The following HSD17B12 variants were observed in gnomAD, a reference collection of about 807,000 sequenced individuals.
HSD17B12 encodes very-long-chain 3-oxoacyl-CoA reductase.
HSD17B12 carries 32 observed loss-of-function variants against 39.3 expected under a neutral mutation model. The ratio of observed to expected loss-of-function variants is 0.81; its 90% CI spans 0.61 to 1.09. HSD17B12 has a LOEUF of 1.09. Ranked by LOEUF, HSD17B12 falls within the 50% of genes least tolerant of loss-of-function variation. The probability of loss-of-function intolerance (pLI) is 0.00; values close to 1 mark genes in which losing one functional copy is unlikely to be tolerated. For synonymous variants in HSD17B12, 150 were observed against 146.7 expected, an observed-to-expected ratio of 1.02 and a Z score of -0.16; for missense variants, 342 against 382.9, an observed-to-expected ratio of 0.89 and a Z score of 0.89.
At chr11:43,738,437 G>A (rs904501942) in intron 1 of HSD17B12, among the ~76,000 whole-genome samples, 3 of 151,806 alleles carry the variant, frequency 2.0e-5, no homozygotes, top group Non-Finnish European at 4.4e-5. Context: ...ACCTTTCAAG[G>A]ACAGCCTCAG....
upstream of HSD17B12, among the ~76,000 whole-genome samples, chr11:43,680,004 A>G (rs1010276334): frequency 6.6e-6 from 1 of 151,040 alleles, no homozygotes; most frequent in Non-Finnish European, 1.5e-5. Flanking sequence ...TATATCATAT[A>G]TGTAAAATAT....
chr11:43,651,157 G>T, the HSD17B12 span, among the ~76,000 whole-genome samples: 1 of 152,212 alleles, frequency 6.6e-6, no homozygotes, highest in Non-Finnish European at 1.5e-5. Context: ...TGTAAAACAC[G>T]TTGGAATGAA....
intron 1 of HSD17B12, among the ~76,000 whole-genome samples, chr11:43,725,216 T>C (rs1005237574): frequency 3.9e-5 from 6 of 152,248 alleles, no homozygotes; most frequent in East Asian, 1.9e-4. Context: ...CCTAGTTTTG[T>C]TACCTTGAGC....
chr11:43,812,331 C>T (rs1951080933), intron 4 of HSD17B12, among the ~76,000 whole-genome samples: 1 of 152,150 alleles, frequency 6.6e-6, no homozygotes, highest in Non-Finnish European at 1.5e-5. Context: ...ATTTACATTC[C>T]CACCAACAGT....
At chr11:43,717,807 T>C (rs1000307048) in intron 1 of HSD17B12, among the ~76,000 whole-genome samples, 22 of 143,984 alleles carry the variant, frequency 1.5e-4, no homozygotes, top group East Asian at 1.9e-4. Context: ...TCTTCTTCTT[T>C]TTTTTTTTTT....
the HSD17B12 span, chr11:43,579,238 G>C: frequency 6.6e-6 from 1 of 152,250 alleles, no homozygotes. Context: ...TCGCAGTGGC[G>C]CGCCTGCTCG....
Position 43,854,761 on chromosome 11 carries a change from AG to A in HSD17B12, c.732del (p.Lys244AsnfsTer13). 2 of 1,614,186 alleles carry A rather than the reference AG, an allele frequency of 1.2e-6. No individual in the cohort carries two copies. The highest frequency in any genetic ancestry group is 1.7e-6 in the Non-Finnish European group (2 of 1,180,036). ...FVATKLAKIR[K>X]PTLDKPSPET... ...GCTACAAAACTGGCTAAAATCCGGA[AG>A]CCAACTTTGGATAAGCCCTCTCCGG... On this transcript the variant is annotated frameshift_variant, in exon 10 of 11. Transcript: ENST00000278353. LOFTEE classifies it high-confidence loss of function.
chr11:43,734,572 C>G (rs757342791), intron 1 of HSD17B12: 92 of 497,796 alleles, frequency 1.8e-4, no homozygotes, highest in Non-Finnish European at 3.0e-4. Context: ...CAGTGAGGGC[C>G]CACCCTGCCT....
chr11:43,819,153 A>G (rs978295148), intron 6 of HSD17B12, among the ~76,000 whole-genome samples: 1 of 152,162 alleles, frequency 6.6e-6, no homozygotes, highest in Non-Finnish European at 1.5e-5. Flanking sequence ...TCTTCTGATA[A>G]TTTTAACTCC....
chr11:43,807,798 C>T (rs929995386), intron 4 of HSD17B12, among the ~76,000 whole-genome samples: 9 of 152,086 alleles, frequency 5.9e-5, no homozygotes, highest in Non-Finnish European at 5.9e-5. Flanking sequence ...TGATGAGGGT[C>T]CTCATCGGAG....
At chr11:43,848,430 C>A (rs10838186) in intron 9 of HSD17B12, 11 of 151,906 alleles carry the variant, frequency 7.2e-5, no homozygotes, top group African/African-American at 2.7e-4. Context: ...GTTACCTCAA[C>A]AGTCAGATAT....
the HSD17B12 span, among the ~76,000 whole-genome samples, chr11:43,610,689 T>G: frequency 6.6e-6 from 1 of 152,162 alleles, no homozygotes; most frequent in Non-Finnish European, 1.5e-5. Context: ...ACAAGATACT[T>G]TGCAGGGAAC....
chr11:43,751,003 T>A (rs765846591), intron 2 of HSD17B12, 46 bp downstream of exon 2: 33 of 1,211,014 alleles, frequency 2.7e-5, no homozygotes, highest in Non-Finnish European at 3.6e-6. Context: ...AAAATAAGAA[T>A]AAATATGGGA....
At chr11:43,609,541 T>C in the HSD17B12 span, among the ~76,000 whole-genome samples, 5 of 151,828 alleles carry the variant, frequency 3.3e-5, no homozygotes, top group East Asian at 9.7e-4. Flanking sequence ...AATTTTTTAA[T>C]TTGTAGAGAT....
At chr11:43,844,841 C>T (rs1200989953) in intron 9 of HSD17B12, among the ~76,000 whole-genome samples, 1 of 152,192 alleles carries the variant, frequency 6.6e-6, no homozygotes, top group East Asian at 1.9e-4. Flanking sequence ...AAAAATAGTG[C>T]AGACAATACT....
chr11:43,623,684 C>T, the HSD17B12 span, among the ~76,000 whole-genome samples: 1 of 151,388 alleles, frequency 6.6e-6, no homozygotes, highest in Non-Finnish European at 1.5e-5. Context: ...TCATAAAAAC[C>T]CGAGGGAAAA....
the HSD17B12 span, among the ~76,000 whole-genome samples, chr11:43,642,224 T>C: frequency 6.6e-6 from 1 of 151,720 alleles, no homozygotes; most frequent in Non-Finnish European, 1.5e-5. Context: ...AGAGTTCATT[T>C]CTAGAATACG....
chr11:43,847,233 C>T (rs1013860192), intron 9 of HSD17B12, among the ~76,000 whole-genome samples: 1 of 152,128 alleles, frequency 6.6e-6, no homozygotes, highest in African/African-American at 2.4e-5. Flanking sequence ...AGGAGATCAT[C>T]TGCCAAGGGA....
the HSD17B12 span, among the ~76,000 whole-genome samples, chr11:43,619,715 GA>G: frequency 1.3e-5 from 2 of 151,938 alleles, no homozygotes; most frequent in Admixed American, 1.3e-4. Flanking sequence ...CAAACCAACA[GA>G]ATAGCTGGAT....
Sources: allele counts gnomAD v4.1 joint callset (sites outside exome capture counted in the v4.1 genomes callset), GRCh38; gene constraint gnomAD v4.1.1; transcripts MANE v1.5; gene names NCBI Gene and HGNC (gene_info 2026-07-23, HGNC 2026-07-21).